GRID2: variants seen among roughly 807,000 people sequenced by gnomAD.
The protein encoded by GRID2 is glutamate ionotropic receptor delta type subunit 2.
In GRID2, 33 loss-of-function variants were observed where a neutral mutation model predicts 114.8. The observed-to-expected ratio is 0.29, with a 90% CI of 0.22 to 0.38. The LOEUF is 0.38. Among genes scored for constraint, GRID2 ranks in the 10% least tolerant of loss-of-function variants. The probability of loss-of-function intolerance (pLI) is 1.00; values close to 1 mark genes in which losing one functional copy is unlikely to be tolerated. For synonymous variants in GRID2, 505 were observed against 449.9 expected, an observed-to-expected ratio of 1.12 and a Z score of -1.55; for missense variants, 1,184 against 1,257.7, an observed-to-expected ratio of 0.94 and a Z score of 0.89.
At chr4:93,260,463 G>A (rs955383826) in intron 8 of GRID2, among the ~76,000 whole-genome samples, 5 of 151,230 alleles carry the variant, frequency 3.3e-5, no homozygotes, top group Admixed American at 6.6e-5. Context: ...TTAGAAGTTG[G>A]ACACTTAAAA....
intron 1 of GRID2, among the ~76,000 whole-genome samples, chr4:92,500,322 G>A (rs1413740563): frequency 1.3e-5 from 2 of 151,656 alleles, no homozygotes; most frequent in South Asian, 2.1e-4. Flanking sequence ...ATCTCCCAGC[G>A]CAATCATTAA....
At chr4:92,717,583 C>A (rs180820056) in intron 2 of GRID2, among the ~76,000 whole-genome samples, 327 of 152,200 alleles carry the variant, frequency 2.1e-3, no homozygotes, top group Non-Finnish European at 3.8e-3. Flanking sequence ...CACAGTATGT[C>A]TATACTTAAA....
intron 2 of GRID2, among the ~76,000 whole-genome samples, chr4:92,789,454 G>A (rs1440026164): frequency 1.3e-5 from 2 of 151,748 alleles, no homozygotes; most frequent in African/African-American, 2.4e-5. Context: ...ATCTTACTCT[G>A]TTTGCCATGT....
chr4:93,409,890 TA>T (rs1427262999), intron 9 of GRID2, among the ~76,000 whole-genome samples: 15 of 152,212 alleles, frequency 9.9e-5, no homozygotes, highest in Admixed American at 7.9e-4. Context: ...AGAGATGTGT[TA>T]TACAGTTTAC....
intron 1 of GRID2, among the ~76,000 whole-genome samples, chr4:92,473,159 C>T (rs1433730555): frequency 6.6e-6 from 1 of 152,060 alleles, no homozygotes; most frequent in East Asian, 1.9e-4. Flanking sequence ...ATGCTTTCTT[C>T]ACTGAATCCC....
chr4:93,498,319 T>A (rs1431112920), intron 12 of GRID2, among the ~76,000 whole-genome samples: 2 of 151,738 alleles, frequency 1.3e-5, no homozygotes, highest in Admixed American at 1.3e-4. Flanking sequence ...GGGGCCAAAC[T>A]CATTCCATCA....
chr4:92,777,571 C>T (rs1738870198), intron 2 of GRID2, among the ~76,000 whole-genome samples: 1 of 151,916 alleles, frequency 6.6e-6, no homozygotes, highest in Admixed American at 6.6e-5. Flanking sequence ...TGTGTTCTCC[C>T]CAAAATTTAT....
rs58770033 is a variant in GRID2 at position 93,772,597 on chromosome 4, A to G, written c.*99A>G. 649 of 840,732 alleles carry G rather than the reference A, an allele frequency of 7.7e-4. 2 individuals are homozygous for G. In the African/African-American group the frequency reaches 9.6e-3, roughly 12 times the overall value. The allele number at this position is 840,732 out of a possible 1,614,324, so 52.1% of individuals were successfully genotyped here. A position where few individuals can be genotyped will look rare whatever the true frequency, so the allele number is the denominator to read the frequency against. ...TAACATGGATGTAACGTTTAAAAAA[A>G]AGATCAGGATTATTAGTAACAATTC... On this transcript the variant is annotated 3_prime_UTR_variant, in exon 16 of 16. Coordinates refer to ENST00000282020, the MANE Select transcript of GRID2 (RefSeq NM_001510.4).
chr4:92,920,523 G>T (rs1192829592), intron 2 of GRID2, among the ~76,000 whole-genome samples: 1 of 152,124 alleles, frequency 6.6e-6, no homozygotes, highest in South Asian at 2.1e-4. Context: ...TCCTTCAGGA[G>T]CTCTTTTAGG....
chr4:93,505,596 TATA>T (rs1404745021), intron 12 of GRID2, among the ~76,000 whole-genome samples: 2 of 148,704 alleles, frequency 1.3e-5, no homozygotes, highest in Admixed American at 6.7e-5. Context: ...ATTTATATAT[TATA>T]ATATATATTT....
At chr4:92,998,642 T>A (rs1326478657) in intron 2 of GRID2, among the ~76,000 whole-genome samples, 1 of 151,848 alleles carries the variant, frequency 6.6e-6, no homozygotes, top group Non-Finnish European at 1.5e-5. Flanking sequence ...GAATGTTATA[T>A]GTGTATGTGT....
intron 2 of GRID2, among the ~76,000 whole-genome samples, chr4:92,806,137 A>G (rs1740397727): frequency 6.6e-6 from 1 of 150,864 alleles, no homozygotes; most frequent in South Asian, 2.1e-4. Context: ...GCTATAAACT[A>G]TGTCAAATCT....
chr4:93,358,151 G>A (rs1761527420), intron 8 of GRID2, among the ~76,000 whole-genome samples: 1 of 151,726 alleles, frequency 6.6e-6, no homozygotes, highest in African/African-American at 2.4e-5. Context: ...TTAGAAAGAG[G>A]ACACTAACCT....
chr4:92,578,143 G>C, intron 1 of GRID2, among the ~76,000 whole-genome samples: 1 of 131,246 alleles, frequency 7.6e-6, no homozygotes, highest in Admixed American at 8.1e-5. Context: ...TACACTTTAA[G>C]TTTTAGGGTA....
chr4:92,962,078 C>G (rs1243442038), intron 2 of GRID2, among the ~76,000 whole-genome samples: 1 of 151,796 alleles, frequency 6.6e-6, no homozygotes, highest in Non-Finnish European at 1.5e-5. Context: ...CATGCTGTCT[C>G]CTTTATACAT....
chr4:93,371,841 A>C (rs1210935381), intron 8 of GRID2, among the ~76,000 whole-genome samples: 1 of 147,472 alleles, frequency 6.8e-6, no homozygotes, highest in Non-Finnish European at 1.5e-5. Flanking sequence ...TCCGCCTCCA[A>C]GGTTCAAGTG....
At chr4:92,710,806 T>A (rs1735207853) in intron 2 of GRID2, among the ~76,000 whole-genome samples, 1 of 152,144 alleles carries the variant, frequency 6.6e-6, no homozygotes, top group African/African-American at 2.4e-5. Flanking sequence ...ACATAATATT[T>A]ACTCTCACAC....
At position 93,626,355 on chromosome 4, in the gene GRID2, C is replaced by G. The variant is rs1044404092; in HGVS notation, c.2280C>G (p.Thr760=). The change falls in exon 14 of 16, where the codon ACC becomes ACG. Residue 760 remains threonine (T), a synonymous_variant. Coordinates refer to ENST00000282020, the MANE Select transcript of GRID2 (RefSeq NM_001510.4). ...AINDPDCSFY[T]IGNTVADRGY... ...ATGACCCAGATTGTTCCTTTTACACCATTGGAAATACTGTTGCTGATCGGG... is the reference window on the plus strand; with the variant it reads ...ATGACCCAGATTGTTCCTTTTACACGATTGGAAATACTGTTGCTGATCGGG... 1 of 1,604,164 alleles carries G rather than the reference C, an allele frequency of 6.2e-7. No individual in the cohort carries two copies. The highest frequency in any genetic ancestry group is 8.5e-7 in the Non-Finnish European group (1 of 1,171,390).
At chr4:93,729,134 G>A (rs1040227913) in intron 14 of GRID2, among the ~76,000 whole-genome samples, 1 of 152,118 alleles carries the variant, frequency 6.6e-6, no homozygotes, top group Non-Finnish European at 1.5e-5. Flanking sequence ...CTGACCTCAT[G>A]ATCCGCCCAC....
Sources: allele counts gnomAD v4.1 joint callset (sites outside exome capture counted in the v4.1 genomes callset), GRCh38; gene constraint gnomAD v4.1.1; transcripts MANE v1.5; gene names NCBI Gene and HGNC (gene_info 2026-07-23, HGNC 2026-07-21).